Variants in ARHGAP8 observed in about 807,000 individuals in gnomAD.
ARHGAP8 encodes the protein Rho GTPase activating protein 8.
In ARHGAP8, 62 loss-of-function variants were observed where a neutral mutation model predicts 46.1. That is an observed-to-expected ratio of 1.34 (90% CI 1.10 to 1.66). ARHGAP8 has a LOEUF of 1.66. Ranked by LOEUF, ARHGAP8 falls within the 40% of genes most tolerant of loss-of-function variation. ARHGAP8 has a pLI of 0.00. For synonymous variants in ARHGAP8, 375 were observed against 243.1 expected (o/e 1.54, Z -5.05); for missense variants, 923 against 568.4 (o/e 1.62, Z -6.34).
intron 2 of ARHGAP8, among the ~76,000 whole-genome samples, chr22:44,797,370 T>G (rs7291573): frequency 0.021 from 3,246 of 152,240 alleles, 115 homozygotes; most frequent in African/African-American, 0.073. Flanking sequence ...GGAGGAGGGC[T>G]CAGGCTCCGG....
At chr22:44,827,311 G>A (rs1289010331) in intron 7 of ARHGAP8, among the ~76,000 whole-genome samples, 1 of 145,796 alleles carries the variant, frequency 6.9e-6, no homozygotes, top group East Asian at 2.0e-4. Flanking sequence ...TCCAGGATGT[G>A]GTGAGATAAT....
intron 4 of ARHGAP8, chr22:44,809,174 G>A (rs750381692): frequency 1.3e-5 from 6 of 470,816 alleles, no homozygotes; most frequent in Non-Finnish European, 2.2e-5. Flanking sequence ...TTGCAGGCCT[G>A]TTGCTCTATT....
At chr22:44,825,422 C>A in intron 6 of ARHGAP8, 61 bp from the exon 7 acceptor site, 1 of 1,557,428 alleles carries the variant, frequency 6.4e-7, no homozygotes, top group Non-Finnish European at 8.7e-7. Context: ...CCCCACCCAG[C>A]GCCTCCGTGG....
At chr22:44,795,040 C>CAAAAAA (rs36122461) in intron 2 of ARHGAP8, among the ~76,000 whole-genome samples, 1 of 111,814 alleles carries the variant, frequency 8.9e-6, no homozygotes, top group African/African-American at 3.3e-5. Flanking sequence ...AACTCTGTCT[C>CAAAAAA]AAAAAAAAAA....
intron 11 of ARHGAP8, among the ~76,000 whole-genome samples, chr22:44,861,419 C>T (rs1226142143): frequency 2.6e-5 from 4 of 152,202 alleles, no homozygotes; most frequent in Non-Finnish European, 5.9e-5. Flanking sequence ...GGGTGGCCTG[C>T]AGTGGGCCTG....
chr22:44,791,673 C>T (rs531854080), intron 2 of ARHGAP8, among the ~76,000 whole-genome samples: 1 of 152,242 alleles, frequency 6.6e-6, no homozygotes, highest in Admixed American at 6.5e-5. Context: ...CATTGCACTC[C>T]AGCCTGGGTA....
chr22:44,846,086 C>T (rs2069948601), intron 8 of ARHGAP8, among the ~76,000 whole-genome samples: 1 of 152,158 alleles, frequency 6.6e-6, no homozygotes, highest in African/African-American at 2.4e-5. Context: ...CAGTTGCTTC[C>T]TCAGGGAATC....
intron 8 of ARHGAP8, among the ~76,000 whole-genome samples, chr22:44,846,143 C>T (rs1181305137): frequency 6.6e-6 from 1 of 152,200 alleles, no homozygotes; most frequent in Non-Finnish European, 1.5e-5. Context: ...GCTCTGCCCA[C>T]GGACTCAGCA....
intron 1 of ARHGAP8, among the ~76,000 whole-genome samples, chr22:44,760,941 G>A (rs929927071): frequency 2.0e-5 from 3 of 152,222 alleles, no homozygotes; most frequent in Non-Finnish European, 2.9e-5. Flanking sequence ...GTTGAGGCAT[G>A]TGCGGACTCA....
At position 44,819,300 on chromosome 22, in the gene ARHGAP8, C is replaced by T. The variant is rs911239368; in HGVS notation, c.387-3071C>T. The stretch of plus-strand genomic sequence containing the variant: ...CAGGCTCCTCTCCAATTCCTAACCT[C>T]AAGTAATCCTCCAGCCTCGGCCTCT... On this transcript the variant is annotated intron_variant, in intron 5 of 11. Transcript: ENST00000356099. Among the ~76,000 whole-genome samples the T allele has an allele frequency of 3.3e-5, 5 of 152,218 alleles. No individual in the cohort carries two copies. In the East Asian group the frequency reaches 5.8e-4, roughly 18 times the overall value.
chr22:44,828,099 C>T (rs1343302129), intron 7 of ARHGAP8, among the ~76,000 whole-genome samples: 2 of 152,216 alleles, frequency 1.3e-5, no homozygotes, highest in African/African-American at 2.4e-5. Flanking sequence ...TCACCCTCGC[C>T]TTCCCTAACT....
At chr22:44,824,475 C>T (rs1432399424) in intron 6 of ARHGAP8, among the ~76,000 whole-genome samples, 4 of 152,174 alleles carry the variant, frequency 2.6e-5, no homozygotes, top group South Asian at 2.1e-4. Flanking sequence ...CACTCCCGAG[C>T]TGCCAACTAA....
At chr22:44,760,225 G>A (rs768856348) in intron 1 of ARHGAP8, among the ~76,000 whole-genome samples, 15 of 152,194 alleles carry the variant, frequency 9.9e-5, no homozygotes, top group Non-Finnish European at 2.1e-4. Context: ...ACTGGGTAGT[G>A]AGGGTCTGTA....
chr22:44,764,769 C>T (rs1193659816), intron 1 of ARHGAP8, among the ~76,000 whole-genome samples: 1 of 152,222 alleles, frequency 6.6e-6, no homozygotes, highest in Non-Finnish European at 1.5e-5. Context: ...CTGCGTCAGT[C>T]AGTGTTCTCC....
chr22:44,817,587 T>C (rs1037046032), intron 5 of ARHGAP8, among the ~76,000 whole-genome samples: 1 of 152,130 alleles, frequency 6.6e-6, no homozygotes, highest in Non-Finnish European at 1.5e-5. Context: ...GCGGATCACC[T>C]GAGGTAAGGA....
chr22:44,793,009 A>G (rs1464531622), intron 2 of ARHGAP8, among the ~76,000 whole-genome samples: 1 of 152,044 alleles, frequency 6.6e-6, no homozygotes, highest in Non-Finnish European at 1.5e-5. Flanking sequence ...TTTTTAGTAA[A>G]GATGAGGTTT....
chr22:44,754,338 TTGTGTGTGTGTGTGTGTGTG>T (rs35257490), intron 1 of ARHGAP8, among the ~76,000 whole-genome samples: 1 of 146,526 alleles, frequency 6.8e-6, no homozygotes, highest in Non-Finnish European at 1.5e-5. Flanking sequence ...CATTGAAACT[TTGTGTGTGTGTGTGTGTGTG>T]TGTGTGTGTG....
chr22:44,819,841 G>T (rs926758424), intron 5 of ARHGAP8, among the ~76,000 whole-genome samples: 1 of 152,158 alleles, frequency 6.6e-6, no homozygotes, highest in African/African-American at 2.4e-5. Flanking sequence ...CGCCCAAGTC[G>T]CACCATGAGA....
chr22:44,808,358 C>G lies in ARHGAP8; in HGVS notation c.219C>G (p.Val73=), dbSNP rs9626247. 25 of 1,614,144 alleles carry G rather than the reference C, an allele frequency of 1.5e-5. No individual in the cohort carries two copies. Among genetic ancestry groups the G allele is most frequent in the Non-Finnish European group, 2.0e-5 (24 of 1,180,056 alleles). ...ACGTTGAGAACGATTATACCATCGTCTATTTCCACTACGGGCTGAACAGCC... is the reference window on the plus strand; with the variant it reads ...ACGTTGAGAACGATTATACCATCGTGTATTTCCACTACGGGCTGAACAGCC... ...DQYVENDYTI[V]YFHYGLNSRN... is the part of the protein sequence containing the mutation. The change falls in exon 4 of 12, where the codon GTC becomes GTG. Residue 73 remains valine, a synonymous_variant. Transcript: ENST00000356099.
Sources: gnomAD v4.1 joint callset for allele counts (sites outside exome capture counted in the v4.1 genomes callset) on GRCh38, gnomAD v4.1.1 for gene constraint, MANE v1.5 for transcripts, NCBI Gene and HGNC (gene_info 2026-07-23, HGNC 2026-07-21) for gene names.